Variants in POU6F2 observed in about 807,000 individuals in gnomAD.
POU6F2 encodes the protein POU domain, class 6, transcription factor 2.
In POU6F2, 31 loss-of-function variants were observed where a neutral mutation model predicts 71.3. The observed-to-expected ratio is 0.43, with a 90% CI of 0.33 to 0.59. The LOEUF (loss-of-function observed/expected upper bound fraction) is 0.59, where lower values mean the gene tolerates loss of function less well. Among genes scored for constraint, POU6F2 ranks in the 20% least tolerant of loss-of-function variants. POU6F2 has a pLI of 0.04. For missense variants in POU6F2, 783 were observed against 856.8 expected (o/e 0.91, Z 1.07); for synonymous variants, 347 against 355.7 (o/e 0.98, Z 0.27).
chr7:39,207,268 AGGGC>A, intron 3 of POU6F2, 120 bp from the exon 4 acceptor site: 1 of 807,728 alleles, frequency 1.2e-6, no homozygotes, highest in Non-Finnish European at 1.9e-6. Flanking sequence ...TTAATGAGAT[AGGGC>A]ATGTTTTTTG....
intron 5 of POU6F2, among the ~76,000 whole-genome samples, chr7:39,351,684 C>G (rs1786142329): frequency 6.6e-6 from 1 of 152,168 alleles, no homozygotes; most frequent in Non-Finnish European, 1.5e-5. Context: ...CCAGATGCTG[C>G]ATTTCTAACC....
At chr7:39,228,042 C>T (rs1159370555) in intron 4 of POU6F2, among the ~76,000 whole-genome samples, 2 of 152,188 alleles carry the variant, frequency 1.3e-5, no homozygotes, top group Non-Finnish European at 2.9e-5. Context: ...GAAGACACAA[C>T]TCTACTCTTC....
intron 5 of POU6F2, among the ~76,000 whole-genome samples, chr7:39,372,066 C>T (rs544287816): frequency 2.0e-4 from 31 of 152,128 alleles, no homozygotes; most frequent in Non-Finnish European, 4.1e-4. Flanking sequence ...ACTATAGGCA[C>T]GCACTACCAT....
chr7:39,450,947 T>C (rs1386994511), intron 7 of POU6F2, among the ~76,000 whole-genome samples: 1 of 152,174 alleles, frequency 6.6e-6, no homozygotes, highest in African/African-American at 2.4e-5. Context: ...ATATTTTTGT[T>C]CTGACTCCCC....
rs895343410 is a variant in POU6F2 at position 39,264,763 on chromosome 7, A to T, written c.598+57143A>T. ...AGAGGATATATGTGCAAATATGCATAATATATGCATATATACATACATATA... is the reference window on the plus strand; with the variant it reads ...AGAGGATATATGTGCAAATATGCATTATATATGCATATATACATACATATA... On this transcript the variant is annotated intron_variant, in intron 4 of 9. Coordinates refer to ENST00000518318, the MANE Select transcript of POU6F2 (RefSeq NM_001370959.1). Among the ~76,000 whole-genome samples the T allele has an allele frequency of 2.6e-5, 4 of 152,344 alleles. No individual in the cohort carries two copies. The East Asian group carries it at 7.7e-4, about 29-fold the overall frequency.
At position 39,339,580 on chromosome 7, in the gene POU6F2, C is replaced by G. The variant is rs111324503; in HGVS notation, c.599-62C>G. The G allele has an allele frequency of 2.4e-3, 3,605 of 1,519,812 alleles. 84 individuals carry two copies. The African/African-American group carries it at 0.04, about 17-fold the overall frequency. The allele number at this position is 1,519,812 out of a possible 1,614,324, so 94.1% of individuals were successfully genotyped here. On this transcript the variant is annotated intron_variant, in intron 4 of 9. Coordinates refer to ENST00000518318, the MANE Select transcript of POU6F2 (RefSeq NM_001370959.1). ...TCTCCACTTGCACTGGACAGGCTGT[C>G]AAGACCCAGCAAGACACTTTGTCAT...
At chr7:39,414,736 G>C (rs1787636687) in intron 6 of POU6F2, among the ~76,000 whole-genome samples, 1 of 125,354 alleles carries the variant, frequency 8.0e-6, no homozygotes, top group Non-Finnish European at 1.6e-5. Context: ...TTTCTGAAAT[G>C]AAAGAGTTAT....
chr7:39,269,079 T>C (rs1471309075), intron 4 of POU6F2, among the ~76,000 whole-genome samples: 1 of 152,222 alleles, frequency 6.6e-6, no homozygotes, highest in African/African-American at 2.4e-5. Flanking sequence ...TATTTCTTTT[T>C]TGTTATAGTT....
At chr7:39,043,894 A>G (rs1391398879) in intron 1 of POU6F2, among the ~76,000 whole-genome samples, 1 of 151,914 alleles carries the variant, frequency 6.6e-6, no homozygotes. Context: ...CAGGAATCCC[A>G]TAATGCTCTC....
At chr7:39,369,023 A>G (rs1043720831) in intron 5 of POU6F2, among the ~76,000 whole-genome samples, 1 of 152,186 alleles carries the variant, frequency 6.6e-6, no homozygotes, top group Non-Finnish European at 1.5e-5. Context: ...TGTGACTGCA[A>G]TCTCATGAGA....
At chr7:39,341,600 A>G (rs1785919454) in intron 5 of POU6F2, among the ~76,000 whole-genome samples, 1 of 152,216 alleles carries the variant, frequency 6.6e-6, no homozygotes, top group Admixed American at 6.5e-5. Context: ...AGATGTACCT[A>G]TATACCATCT....
At chr7:39,211,413 T>C (rs1794141012) in intron 4 of POU6F2, among the ~76,000 whole-genome samples, 1 of 152,204 alleles carries the variant, frequency 6.6e-6, no homozygotes, top group Non-Finnish European at 1.5e-5. Flanking sequence ...AGGAGTTTCA[T>C]ATCCTCAAGA....
At chr7:39,295,293 G>A (rs1413620408) in intron 4 of POU6F2, among the ~76,000 whole-genome samples, 1 of 152,160 alleles carries the variant, frequency 6.6e-6, no homozygotes, top group African/African-American at 2.4e-5. Context: ...TGGGACTCAT[G>A]GGAGAATTGT....
intron 1 of POU6F2, among the ~76,000 whole-genome samples, chr7:39,077,758 C>A (rs1791029609): frequency 6.6e-6 from 1 of 152,060 alleles, no homozygotes; most frequent in East Asian, 1.9e-4. Flanking sequence ...TATTTTTTTT[C>A]TTTCAAGATG....
At chr7:39,161,673 A>G (rs550676985) in intron 2 of POU6F2, among the ~76,000 whole-genome samples, 4 of 152,288 alleles carry the variant, frequency 2.6e-5, no homozygotes, top group African/African-American at 9.6e-5. Context: ...TCATGGCTCT[A>G]TTGGTCAGTG....
At position 39,268,462 on chromosome 7, in the gene POU6F2, CT is replaced by C. The variant is rs374433092; in HGVS notation, c.598+60849del. 5.5e-3 allele frequency among the ~76,000 whole-genome samples: 834 copies of C among 152,092 alleles called. 5 individuals carry two copies. The highest frequency in any genetic ancestry group is 0.019 in the African/African-American group (800 of 41,490). The stretch of plus-strand genomic sequence containing the variant: ...GAAGGTGCTTGATGACTTTCAGTGG[CT>C]TTTTTTAAGCGGAGAGATAGAACTG... On this transcript the variant is annotated intron_variant, in intron 4 of 9. Coordinates refer to ENST00000518318, the MANE Select transcript of POU6F2 (RefSeq NM_001370959.1).
intron 2 of POU6F2, among the ~76,000 whole-genome samples, chr7:39,098,418 C>T (rs191847970): frequency 1.3e-5 from 2 of 151,766 alleles, no homozygotes; most frequent in Admixed American, 6.6e-5. Context: ...GTACTACAGG[C>T]GTGTACCATC....
intron 2 of POU6F2, among the ~76,000 whole-genome samples, chr7:39,133,579 C>A (rs1792331662): frequency 6.6e-6 from 1 of 152,220 alleles, no homozygotes; most frequent in Admixed American, 6.5e-5. Context: ...AAAGCATTCT[C>A]ACAATCTATA....
intron 7 of POU6F2, among the ~76,000 whole-genome samples, chr7:39,439,472 G>T (rs1192716324): frequency 6.6e-6 from 1 of 151,974 alleles, no homozygotes; most frequent in Non-Finnish European, 1.5e-5. Flanking sequence ...TTTATATTTT[G>T]GTGTTTTTGG....
Sources: allele counts gnomAD v4.1 joint callset (sites outside exome capture counted in the v4.1 genomes callset), GRCh38; gene constraint gnomAD v4.1.1; transcripts MANE v1.5; gene names NCBI Gene and HGNC (gene_info 2026-07-23, HGNC 2026-07-21).